The following NDUFAF6 variants were observed in gnomAD, a reference collection of about 807,000 sequenced individuals.
NDUFAF6 encodes NADH:ubiquinone oxidoreductase complex assembly factor 6.
NDUFAF6 carries 45 observed loss-of-function variants against 40.8 expected under a neutral mutation model. The ratio of observed to expected loss-of-function variants is 1.10; its 90% CI spans 0.87 to 1.42. The LOEUF (loss-of-function observed/expected upper bound fraction) is 1.42, where lower values mean the gene tolerates loss of function less well. Among genes scored for constraint, NDUFAF6 ranks in the 40% most tolerant of loss-of-function variants. The probability of loss-of-function intolerance (pLI) is 0.00; values close to 1 mark genes in which losing one functional copy is unlikely to be tolerated. For synonymous variants in NDUFAF6, 185 were observed against 155.9 expected (o/e 1.19, Z -1.39); for missense variants, 435 against 418.5 (o/e 1.04, Z -0.34).
intron 1 of NDUFAF6, among the ~76,000 whole-genome samples, chr8:95,031,262 C>T (rs767566871): frequency 6.6e-6 from 1 of 152,220 alleles, no homozygotes; most frequent in Admixed American, 6.5e-5. Flanking sequence ...CTTCTAGGCT[C>T]TTTCAGCAGG....
chr8:95,018,628 T>C (rs1827566333), intron 2 of NDUFAF6, among the ~76,000 whole-genome samples: 1 of 151,964 alleles, frequency 6.6e-6, no homozygotes, highest in African/African-American at 2.4e-5. Context: ...AACCCAGACA[T>C]TGGGATAAAA....
intron 2 of NDUFAF6, among the ~76,000 whole-genome samples, chr8:94,984,893 G>A (rs912509138): frequency 1.4e-4 from 21 of 152,280 alleles, no homozygotes; most frequent in Admixed American, 2.0e-4. Flanking sequence ...GGTTAAAGGC[G>A]TAGGTTCTGT....
intron 1 of NDUFAF6, among the ~76,000 whole-genome samples, chr8:94,912,729 C>T (rs1457294769): frequency 6.6e-6 from 1 of 151,430 alleles, no homozygotes; most frequent in Non-Finnish European, 1.5e-5. Context: ...AGGAGAATGG[C>T]GTGAACCCGG....
In NDUFAF6 at chr8:95,012,667, T is replaced by TAAATAAATAAATAAACAAAC. The variant is rs753278652; in HGVS notation, c.-83-19325_-83-19324insTAAATAAATAAACAAACAAA. ...TAAAATAAATAAATAAATAAATAAA[T>TAAATAAATAAATAAACAAAC]AAACAAATAAAAATTAGCCAGGTAT... On this transcript the variant is annotated intron_variant, in intron 2 of 9. Coordinates refer to the NDUFAF6 transcript ENST00000396111. Among the ~76,000 whole-genome samples, 101 of 150,550 alleles carry TAAATAAATAAATAAACAAAC rather than the reference T, an allele frequency of 6.7e-4. 1 individual carries two copies. The highest frequency in any genetic ancestry group is 6.8e-3 in the Middle Eastern group (2 of 294).
At chr8:95,098,161 A>G (rs540407504), upstream of NDUFAF6, among the ~76,000 whole-genome samples, 77 of 152,346 alleles carry the variant, frequency 5.1e-4, no homozygotes, top group African/African-American at 1.8e-3. Flanking sequence ...CTCTACTGCT[A>G]CATCTGGAGC....
intron 2 of NDUFAF6, among the ~76,000 whole-genome samples, chr8:95,095,047 C>T (rs1009822791): frequency 2.6e-5 from 4 of 152,126 alleles, no homozygotes. Context: ...GGCCACCATG[C>T]CTGGCCCACA....
In NDUFAF6 at chr8:95,025,519, T is replaced by A. The variant is rs187301632; in HGVS notation, c.197+314T>A. On this transcript the variant is annotated intron_variant, in intron 1 of 8. Transcript: ENST00000396124. Reference sequence around the variant, plus strand: ...TTGTTATTCACAGAACGTCTATTAGTTTTAACCACAACGGTAGCCAACTTT... The same window carrying A: ...TTGTTATTCACAGAACGTCTATTAGATTTAACCACAACGGTAGCCAACTTT... 5.7e-4 allele frequency among the ~76,000 whole-genome samples: 87 copies of A among 152,344 alleles called. 2 individuals carry two copies. Among genetic ancestry groups the A allele is most frequent in the Admixed American group, 4.1e-3 (63 of 15,302 alleles).
chr8:94,932,284 T>C (rs1270280941), intron 1 of NDUFAF6, among the ~76,000 whole-genome samples: 1 of 152,218 alleles, frequency 6.6e-6, no homozygotes, highest in African/African-American at 2.4e-5. Context: ...TTATAAAGGC[T>C]AAAATGCAAT....
At chr8:94,907,112 A>G (rs1048484230) in intron 1 of NDUFAF6, among the ~76,000 whole-genome samples, 5 of 152,222 alleles carry the variant, frequency 3.3e-5, no homozygotes, top group African/African-American at 1.2e-4. Flanking sequence ...TGTGGCCAGC[A>G]CAAAACAGTC....
At chr8:95,106,872 CAT>C (rs565217838), downstream of NDUFAF6, among the ~76,000 whole-genome samples, 30 of 152,260 alleles carry the variant, frequency 2.0e-4, no homozygotes, top group African/African-American at 6.3e-4. Context: ...GGCCAACAAA[CAT>C]ATGAAAAAAA....
intron 2 of NDUFAF6, among the ~76,000 whole-genome samples, chr8:94,982,331 C>T (rs1285268047): frequency 6.6e-6 from 1 of 152,172 alleles, no homozygotes; most frequent in African/African-American, 2.4e-5. Context: ...CAGTAACATG[C>T]TGTGCAGGTT....
intron 2 of NDUFAF6, chr8:94,988,941 AC>A (rs1826068031): frequency 6.6e-6 from 1 of 152,258 alleles, no homozygotes; most frequent in African/African-American, 2.4e-5. Context: ...CAAAGACCAT[AC>A]ATTTCACGAT....
exon 10 of NDUFAF6, chr8:95,075,898 CT>C (rs1451202076): frequency 1.8e-5 from 6 of 342,280 alleles, no homozygotes; most frequent in Middle Eastern, 1.1e-3. Flanking sequence ...GTGAGCCAGA[CT>C]GGGCAACTAC....
chr8:94,962,676 G>A (rs1455802582), intron 1 of NDUFAF6, among the ~76,000 whole-genome samples: 4 of 151,120 alleles, frequency 2.6e-5, no homozygotes, highest in Admixed American at 2.6e-4. Flanking sequence ...ACAGTGGTGC[G>A]ACCATAGCTC....
chr8:95,103,154 A>G (rs566210656), exon 3 of NDUFAF6: 1 of 152,318 alleles, frequency 6.6e-6, no homozygotes, highest in East Asian at 1.9e-4. Context: ...TGAGCCAATC[A>G]TAGTGTTCAG....
At chr8:94,915,914 G>A (rs1394955697) in intron 1 of NDUFAF6, among the ~76,000 whole-genome samples, 1 of 152,204 alleles carries the variant, frequency 6.6e-6, no homozygotes, top group Non-Finnish European at 1.5e-5. Context: ...GTATTGGGTG[G>A]TGGGAGAGAT....
downstream of NDUFAF6, among the ~76,000 whole-genome samples, chr8:95,103,658 A>G (rs1373694111): frequency 2.0e-5 from 3 of 152,220 alleles, no homozygotes; most frequent in Non-Finnish European, 4.4e-5. Flanking sequence ...GCTGTAAAAC[A>G]TATGGCATAG....
At chr8:95,003,097 A>G (rs983692255) in intron 2 of NDUFAF6, among the ~76,000 whole-genome samples, 1 of 152,196 alleles carries the variant, frequency 6.6e-6, no homozygotes, top group Non-Finnish European at 1.5e-5. Context: ...ACCTACAATT[A>G]TAGCCAGAGG....
At chr8:95,094,022 G>A (rs940558758) in intron 2 of NDUFAF6, among the ~76,000 whole-genome samples, 2 of 152,158 alleles carry the variant, frequency 1.3e-5, no homozygotes, top group African/African-American at 4.8e-5. Context: ...CCAGGCTAGA[G>A]TGCAGTGGCG....
Sources: gnomAD v4.1 joint callset for allele counts (sites outside exome capture counted in the v4.1 genomes callset) on GRCh38, gnomAD v4.1.1 for gene constraint, MANE v1.5 for transcripts, NCBI Gene and HGNC (gene_info 2026-07-23, HGNC 2026-07-21) for gene names.